GFRA2: variants seen among roughly 807,000 people sequenced by gnomAD.
GFRA2 encodes GDNF family receptor alpha 2.
In GFRA2, 17 loss-of-function variants were observed where a neutral mutation model predicts 48.3. That is an observed-to-expected ratio of 0.35 (90% CI 0.24 to 0.53). GFRA2 has a LOEUF of 0.53. Ranked by LOEUF, GFRA2 falls within the 20% of genes least tolerant of loss-of-function variation. The pLI is 0.93. For synonymous variants in GFRA2, 305 were observed against 257.2 expected (o/e 1.19, Z -1.78); for missense variants, 660 against 637.3 (o/e 1.04, Z -0.38).
intron 1 of GFRA2, chr8:21,783,120 C>T (rs1261056894): frequency 1.3e-5 from 9 of 690,506 alleles, no homozygotes; most frequent in Admixed American, 8.1e-5. Context: ...GCACTCCATT[C>T]CTCCTCAGCA....
intron 2 of GFRA2, among the ~76,000 whole-genome samples, chr8:21,800,583 A>C (rs1306205117): frequency 6.6e-6 from 1 of 152,182 alleles, no homozygotes; most frequent in Non-Finnish European, 1.5e-5. Flanking sequence ...GAAGCCCTCT[A>C]TCCTTCACAC....
chr8:21,764,642 T>C (rs900093020), intron 3 of GFRA2, among the ~76,000 whole-genome samples: 1 of 152,254 alleles, frequency 6.6e-6, no homozygotes, highest in African/African-American at 2.4e-5. Flanking sequence ...CCATGCGTGC[T>C]GGTGCACGCC....
chr8:21,728,603 A>C (rs1804011725), intron 4 of GFRA2, among the ~76,000 whole-genome samples: 1 of 152,062 alleles, frequency 6.6e-6, no homozygotes, highest in Non-Finnish European at 1.5e-5. Context: ...AAGCACCATG[A>C]TGGATGGAGA....
intron 5 of GFRA2, among the ~76,000 whole-genome samples, chr8:21,705,440 A>T (rs1038669758): frequency 6.6e-6 from 1 of 152,160 alleles, no homozygotes; most frequent in Admixed American, 6.5e-5. Flanking sequence ...AGCAGCCAAC[A>T]TTCTCAAATC....
chr8:21,803,266 G>A (rs1426593898), intron 2 of GFRA2, among the ~76,000 whole-genome samples: 1 of 152,130 alleles, frequency 6.6e-6, no homozygotes, highest in African/African-American at 2.4e-5. Flanking sequence ...CAGAGAGCTG[G>A]CCAGAATACA....
intron 4 of GFRA2, among the ~76,000 whole-genome samples, chr8:21,731,799 C>G (rs1177731854): frequency 1.3e-5 from 2 of 152,146 alleles, no homozygotes; most frequent in Non-Finnish European, 2.9e-5. Flanking sequence ...GCGAAGGAGA[C>G]AGAAATACTA....
At chr8:21,749,562 A>C (rs960432878) in intron 4 of GFRA2, among the ~76,000 whole-genome samples, 2 of 152,052 alleles carry the variant, frequency 1.3e-5, no homozygotes, top group Non-Finnish European at 2.9e-5. Context: ...ATCTCAATAC[A>C]GAGTGAGCTG....
chr8:21,766,094 TTAAAA>T (rs1301637253), intron 3 of GFRA2, among the ~76,000 whole-genome samples: 3 of 152,118 alleles, frequency 2.0e-5, no homozygotes, highest in African/African-American at 7.2e-5. Context: ...CTCATCACTC[TTAAAA>T]TAAAAGGTTC....
At chr8:21,703,307 C>G (rs1802577073) in intron 6 of GFRA2, among the ~76,000 whole-genome samples, 1 of 152,088 alleles carries the variant, frequency 6.6e-6, no homozygotes, top group South Asian at 2.1e-4. Context: ...GGGCCACCTC[C>G]TCTGCATGGT....
intron 4 of GFRA2, among the ~76,000 whole-genome samples, chr8:21,736,310 G>A (rs904261854): frequency 6.6e-6 from 1 of 151,586 alleles, no homozygotes. Context: ...TGTATTTAGA[G>A]AGAAAAAAAA....
intron 4 of GFRA2, among the ~76,000 whole-genome samples, chr8:21,710,380 T>C (rs928501170): frequency 6.6e-6 from 1 of 152,228 alleles, no homozygotes; most frequent in Non-Finnish European, 1.5e-5. Flanking sequence ...CAGCTTTCCC[T>C]GGCGTCTGAT....
chr8:21,802,932 T>C (rs763390132), intron 2 of GFRA2, among the ~76,000 whole-genome samples: 2,863 of 152,330 alleles, frequency 0.019, 48 homozygotes, highest in Non-Finnish European at 0.022. Context: ...ACCTACTCTA[T>C]AATAGGCTGT....
In GFRA2 at chr8:21,769,309, C is replaced by G. The variant is rs752875252; in HGVS notation, c.439+5663G>C. ...GATTCCTGCACACCACGGCCAGGAT[C>G]CACCCCTTCTCAATGCCCCAGATAC... On this transcript the variant is annotated intron_variant, in intron 3 of 8. Coordinates refer to ENST00000524240, the MANE Select transcript of GFRA2 (RefSeq NM_001495.5). 1.2e-3 allele frequency: 247 copies of G among 207,654 alleles called. 1 individual carries two copies. Among genetic ancestry groups the G allele is most frequent in the South Asian group, 9.7e-3 (52 of 5,348 alleles). 12.9% of individuals were successfully genotyped at this position (207,654 alleles called of 1,614,324 possible). A position where few individuals can be genotyped will look rare whatever the true frequency, so the allele number is the denominator to read the frequency against.
In GFRA2 at chr8:21,691,178, G is replaced by A. The variant is rs1298220739; in HGVS notation, c.*2100C>T. On this transcript the variant is annotated 3_prime_UTR_variant, in exon 9 of 9. Coordinates refer to ENST00000524240, the MANE Select transcript of GFRA2 (RefSeq NM_001495.5). ...GGCTCACATGCAGCCCTGAAGGCCAGGCTGACAGTAGAAACATCTTCTCGC... is the reference window on the plus strand; with the variant it reads ...GGCTCACATGCAGCCCTGAAGGCCAAGCTGACAGTAGAAACATCTTCTCGC... 7 of 152,252 alleles carry A rather than the reference G, an allele frequency of 4.6e-5. No homozygotes were observed. The highest frequency in any genetic ancestry group is 4.6e-4 in the Admixed American group (7 of 15,282). The allele number at this position is 152,252 out of a possible 1,614,324, so 9.4% of individuals were successfully genotyped here. A position where few individuals can be genotyped will look rare whatever the true frequency, so the allele number is the denominator to read the frequency against.
chr8:21,765,199 C>G (rs1806097280), intron 3 of GFRA2, among the ~76,000 whole-genome samples: 1 of 152,110 alleles, frequency 6.6e-6, no homozygotes, highest in Admixed American at 6.5e-5. Flanking sequence ...GCCACCTTGA[C>G]CTCACGGGCT....
chr8:21,761,422 G>A (rs926549988), intron 3 of GFRA2, among the ~76,000 whole-genome samples: 8 of 152,214 alleles, frequency 5.3e-5, no homozygotes, highest in African/African-American at 1.7e-4. Context: ...CAGAGACCCT[G>A]GTCCAGCAGT....
chr8:21,742,827 A>C (rs889753155), intron 4 of GFRA2, among the ~76,000 whole-genome samples: 2 of 152,202 alleles, frequency 1.3e-5, no homozygotes, highest in African/African-American at 4.8e-5. Context: ...TGGGAGCCTT[A>C]GCCAAACAGG....
intron 2 of GFRA2, among the ~76,000 whole-genome samples, chr8:21,798,020 TCCAGTCCACACAGTGGGCTC>T (rs2117109964): frequency 1.3e-5 from 2 of 152,220 alleles, no homozygotes; most frequent in Non-Finnish European, 2.9e-5. Context: ...CACCATCACG[TCCAGTCCACACAGTGGGCTC>T]CAGGATGGGA....
At chr8:21,774,882 G>A (rs1017577341) in intron 3 of GFRA2, 90 bp downstream of exon 3, 46 of 726,120 alleles carry the variant, frequency 6.3e-5, no homozygotes, top group Admixed American at 3.6e-4. Flanking sequence ...ATCATCGGAC[G>A]CCAGGATGCC....
Sources: allele counts gnomAD v4.1 joint callset (sites outside exome capture counted in the v4.1 genomes callset), GRCh38; gene constraint gnomAD v4.1.1; transcripts MANE v1.5; gene names NCBI Gene and HGNC (gene_info 2026-07-23, HGNC 2026-07-21).